DNMT3A: variants seen among roughly 807,000 people sequenced by gnomAD.
The protein encoded by DNMT3A is DNA (cytosine-5)-methyltransferase 3A.
Under a neutral mutation model 117.6 loss-of-function variants are expected in DNMT3A, and 267 were observed. That is an observed-to-expected ratio of 2.27 (90% CI 2.05 to 2.51). DNMT3A has a LOEUF of 2.51. Among genes scored for constraint, DNMT3A ranks in the 30% most tolerant of loss-of-function variants. The pLI, the probability that DNMT3A is intolerant of heterozygous loss-of-function variation, is 0.00. For synonymous variants in DNMT3A, 432 were observed against 474.8 expected (o/e 0.91, Z 1.17); for missense variants, 1,029 against 1,260.2 (o/e 0.82, Z 2.78).
In DNMT3A at chr2:25,235,698, C is replaced by G. The variant is rs557345443; in HGVS notation, c.2597+9G>C. ...ACACCGCAGCCAGATGCCAGCACAACCCGGGTACCTTTCCATTTCAGTGCA... is the reference window on the plus strand; with the variant it reads ...ACACCGCAGCCAGATGCCAGCACAAGCCGGGTACCTTTCCATTTCAGTGCA... On this transcript the variant is annotated intron_variant, in intron 22 of 22. Coordinates refer to ENST00000321117, the MANE Select transcript of DNMT3A (RefSeq NM_022552.5). 6.2e-7 allele frequency: 1 copy of G among 1,610,734 alleles called. No individual in the cohort carries two copies. Among genetic ancestry groups the G allele is most frequent in the East Asian group, 2.2e-5 (1 of 44,864 alleles).
chr2:25,264,530 C>A (rs905152402), intron 6 of DNMT3A, among the ~76,000 whole-genome samples: 2 of 151,340 alleles, frequency 1.3e-5, no homozygotes, highest in African/African-American at 4.9e-5. Context: ...TGCAGTGGTG[C>A]GATCTCGGCT....
At chr2:25,239,649 G>A (rs1382366551) in intron 19 of DNMT3A, 1 of 460,542 alleles carries the variant, frequency 2.2e-6, no homozygotes. Flanking sequence ...GCTCCAGCGA[G>A]TATGGGTGTG....
At position 25,237,105 on chromosome 2, in the gene DNMT3A, C is replaced by T; in HGVS notation, c.2409-100G>A. The stretch of plus-strand genomic sequence containing the variant: ...CTCCCTCCCCCAGCAGCCACTAGTT[C>T]ACAGGGTAAGAGCCCCTTCCCCAAA... On this transcript the variant is annotated intron_variant, in intron 20 of 22. Transcript: ENST00000321117. The surrounding 1 kb of genome is among the most constrained non-coding windows in gnomAD (Gnocchi z 5.4). The T allele has an allele frequency of 1.6e-6, 2 of 1,236,620 alleles. No individual in the cohort carries two copies. The highest frequency in any genetic ancestry group is 2.7e-5 in the South Asian group (2 of 74,166). The allele number at this position is 1,236,620 out of a possible 1,614,324, so 76.6% of individuals were successfully genotyped here.
At chr2:25,250,823 C>A (rs868578734) in intron 6 of DNMT3A, among the ~76,000 whole-genome samples, 1 of 152,154 alleles carries the variant, frequency 6.6e-6, no homozygotes, top group Admixed American at 6.5e-5. Context: ...TAGCAGTGGG[C>A]GGGAAGGGGA....
chr2:25,310,793 G>A (rs73920668), intron 2 of DNMT3A, among the ~76,000 whole-genome samples: 5,855 of 152,266 alleles, frequency 0.038, 369 homozygotes, highest in African/African-American at 0.13. Context: ...ACATCTGTGC[G>A]CAACAGTATC....
Position 25,282,482 on chromosome 2 carries a change from C to T in DNMT3A, c.407G>A (p.Cys136Tyr). ...PEASRAVENG[C>Y]CTPKEGRGAP... ...TCCTCGGCCCTCCTTGGGGGTGCAG[C>T]AGCCATTTTCCACTGCTCTTGAGGC... Residue 136 changes from cysteine (C) to tyrosine (Y), a missense_variant, in exon 4 of 23, where the codon TGC becomes TAC. By Grantham distance (194) the Cys-to-Tyr change is radical. Transcript: ENST00000321117. This position sits in a 1 kb window ranked among gnomAD's most constrained non-coding sequence, Gnocchi z 5.2. 6.2e-7 allele frequency: 1 copy of T among 1,613,290 alleles called. No individual in the cohort carries two copies. Among genetic ancestry groups the T allele is most frequent in the East Asian group, 2.2e-5 (1 of 44,878 alleles).
chr2:25,314,193 G>A, intron 1 of DNMT3A, 32 bp from the exon 2 acceptor site: 1 of 1,410,138 alleles, frequency 7.1e-7, no homozygotes, highest in Middle Eastern at 2.3e-4. Flanking sequence ...CAGTGGGGCG[G>A]AGCACCCCAC....
At chr2:25,330,424 G>A (rs187957005) in intron 1 of DNMT3A, among the ~76,000 whole-genome samples, 1 of 151,598 alleles carries the variant, frequency 6.6e-6, no homozygotes, top group African/African-American at 2.4e-5. Flanking sequence ...CAAGAGCCCC[G>A]CTGCGAAGCC....
intron 3 of DNMT3A, among the ~76,000 whole-genome samples, chr2:25,285,888 C>T (rs191335507): frequency 1.3e-5 from 2 of 152,312 alleles, no homozygotes; most frequent in Admixed American, 6.5e-5. Flanking sequence ...ACTGCAGCCA[C>T]CTTCTGGGAT....
intron 6 of DNMT3A, among the ~76,000 whole-genome samples, chr2:25,262,014 A>G (rs1180600281): frequency 2.6e-5 from 4 of 151,686 alleles, no homozygotes; most frequent in Non-Finnish European, 5.9e-5. Context: ...GTGAAACCCC[A>G]CCCCGTCTCT....
At chr2:25,283,407 A>G (rs1002269228) in intron 3 of DNMT3A, among the ~76,000 whole-genome samples, 4 of 151,322 alleles carry the variant, frequency 2.6e-5, no homozygotes, top group South Asian at 2.1e-4. Context: ...CCATAATCCA[A>G]TAAGACCCCC....
At chr2:25,278,001 T>TCACA (rs71397475) in intron 4 of DNMT3A, among the ~76,000 whole-genome samples, 7,297 of 90,500 alleles carry the variant, frequency 0.081, 225 homozygotes, top group Middle Eastern at 0.11. Context: ...ACTTGAGTGA[T>TCACA]CACACACACA....
Position 25,337,418 on chromosome 2 carries a change from A to G in DNMT3A, c.-178+4408T>C, listed in dbSNP as rs2035255005. Among the ~76,000 whole-genome samples the G allele has an allele frequency of 2.0e-5, 3 of 152,204 alleles. No individual in the cohort carries two copies. The highest frequency in any genetic ancestry group is 6.5e-5 in the Admixed American group (1 of 15,278). On this transcript the variant is annotated intron_variant, in intron 1 of 22. Coordinates refer to ENST00000321117, the MANE Select transcript of DNMT3A (RefSeq NM_022552.5). The surrounding 1 kb of genome is among the most constrained non-coding windows in gnomAD (Gnocchi z 5.0). Reference sequence around the variant, plus strand: ...CCGCTCCTCTAAGGCTGTAACGCACATGATCTCACTCCATCCTCACAACCA... The same window carrying G: ...CCGCTCCTCTAAGGCTGTAACGCACGTGATCTCACTCCATCCTCACAACCA...
At chr2:25,323,511 A>G (rs2034677318) in intron 1 of DNMT3A, among the ~76,000 whole-genome samples, 1 of 152,218 alleles carries the variant, frequency 6.6e-6, no homozygotes. Flanking sequence ...GCCTGAGGCG[A>G]AACTGTGCCT....
chr2:25,308,547 G>A (rs74596843), intron 2 of DNMT3A, among the ~76,000 whole-genome samples: 299 of 152,112 alleles, frequency 2.0e-3, no homozygotes, highest in East Asian at 0.017. Context: ...TGCTAAGCAC[G>A]CCCAACCCTC....
intron 6 of DNMT3A, among the ~76,000 whole-genome samples, chr2:25,256,021 A>G (rs1355822307): frequency 6.6e-6 from 1 of 152,094 alleles, no homozygotes; most frequent in African/African-American, 2.4e-5. Flanking sequence ...CAGGACATTT[A>G]CCATGCGAGT....
chr2:25,286,655 G>A lies in DNMT3A; in HGVS notation c.178-3944C>T, dbSNP rs1010812842. ...CTCAATGGGGCTCTCTGGGGCTCAG[G>A]GTGACCAGCAGGACAAAACCATCCA... On this transcript the variant is annotated intron_variant, in intron 3 of 22. Transcript: ENST00000321117. This position sits in a 1 kb window ranked among gnomAD's most constrained non-coding sequence, Gnocchi z 4.3. 1.3e-5 allele frequency among the ~76,000 whole-genome samples: 2 copies of A among 152,238 alleles called. No homozygotes were observed. The highest frequency in any genetic ancestry group is 4.8e-5 in the African/African-American group (2 of 41,456).
chr2:25,295,968 T>C (rs1352138502), intron 3 of DNMT3A, among the ~76,000 whole-genome samples: 1 of 152,234 alleles, frequency 6.6e-6, no homozygotes, highest in Non-Finnish European at 1.5e-5. Context: ...AGCTCAAGCT[T>C]TGGTTCCAGA....
At chr2:25,324,453 A>C (rs879433258) in intron 1 of DNMT3A, among the ~76,000 whole-genome samples, 2 of 152,152 alleles carry the variant, frequency 1.3e-5, no homozygotes, top group Admixed American at 6.5e-5. Flanking sequence ...CATGCTAAAC[A>C]CACATCTCAG....
Sources: gnomAD v4.1 joint callset for allele counts (sites outside exome capture counted in the v4.1 genomes callset) on GRCh38, gnomAD v4.1.1 for gene constraint, Gnocchi (gnomAD v3.1) non-coding constraint, MANE v1.5 for transcripts, NCBI Gene and HGNC (gene_info 2026-07-23, HGNC 2026-07-21) for gene names.